Variants in ASCC3 observed in about 807,000 individuals in gnomAD.
The protein encoded by ASCC3 is activating signal cointegrator 1 complex subunit 3, also known as ASC-1 complex subunit P200.
In ASCC3, 158 loss-of-function variants were observed where a neutral mutation model predicts 256.3. That is an observed-to-expected ratio of 0.62 (90% CI 0.54 to 0.70). The LOEUF (loss-of-function observed/expected upper bound fraction) is 0.70, where lower values mean the gene tolerates loss of function less well. Among genes scored for constraint, ASCC3 ranks in the 30% least tolerant of loss-of-function variants. The pLI is 0.00. For synonymous variants in ASCC3, 948 were observed against 883.4 expected (o/e 1.07, Z -1.30); for missense variants, 2,259 against 2,626.0 (o/e 0.86, Z 3.05).
At chr6:100,538,086 T>C (rs1775256275) in intron 37 of ASCC3, among the ~76,000 whole-genome samples, 2 of 152,052 alleles carry the variant, frequency 1.3e-5, no homozygotes, top group Admixed American at 1.3e-4. Flanking sequence ...GATCACGCAA[T>C]ATAGGTTTTA....
At chr6:100,648,163 G>A (rs1775481017) in intron 20 of ASCC3, among the ~76,000 whole-genome samples, 1 of 152,068 alleles carries the variant, frequency 6.6e-6, no homozygotes, top group Admixed American at 6.6e-5. Flanking sequence ...AAATATAACT[G>A]AGATTCTAGA....
intron 8 of ASCC3, among the ~76,000 whole-genome samples, chr6:100,789,735 G>A (rs1769264117): frequency 6.6e-6 from 1 of 151,908 alleles, no homozygotes; most frequent in Non-Finnish European, 1.5e-5. Context: ...AAGACTTGAA[G>A]GAACAAGCAA....
At position 100,512,269 on chromosome 6, in the gene ASCC3, T is replaced by C. The variant is rs1012355857; in HGVS notation, c.6285+440A>G. ...TCATCTACATCTAGCCCAATGTGGT[T>C]CCTGTATACCAAAGTGCCTCTAGGC... On this transcript the variant is annotated intron_variant, in intron 40 of 41. Transcript: ENST00000369162. 2.0e-5 allele frequency among the ~76,000 whole-genome samples: 3 copies of C among 152,298 alleles called. No homozygotes were observed. The East Asian group carries it at 5.8e-4, about 29-fold the overall frequency.
intron 3 of ASCC3, among the ~76,000 whole-genome samples, chr6:100,852,010 T>A (rs1258501719): frequency 6.6e-6 from 1 of 152,172 alleles, no homozygotes; most frequent in African/African-American, 2.4e-5. Context: ...TGAGATGACG[T>A]ATGTAGGCGT....
intron 10 of ASCC3, among the ~76,000 whole-genome samples, chr6:100,761,346 G>T (rs1781412514): frequency 6.6e-6 from 1 of 152,154 alleles, no homozygotes; most frequent in Admixed American, 6.6e-5. Context: ...CGATTACCGG[G>T]ATGTGGTGGC....
rs538230630 is a variant in ASCC3, at chr6:100,659,328, T to G, written c.2703+2478A>C. 4.0e-5 allele frequency among the ~76,000 whole-genome samples: 6 copies of G among 151,610 alleles called. No homozygotes were observed. The South Asian group carries it at 1.2e-3, about 31-fold the overall frequency. On this transcript the variant is annotated intron_variant, in intron 16 of 41. Transcript: ENST00000369162. ...CTTGATTTCCACAGATAGCCAAATT[T>G]AATTTCACATTCAACAATAATTTAA...
chr6:100,558,953 T>C (rs1769777695), intron 36 of ASCC3, among the ~76,000 whole-genome samples: 1 of 152,152 alleles, frequency 6.6e-6, no homozygotes, highest in Admixed American at 6.6e-5. Flanking sequence ...TATCTCTTCT[T>C]GAGATATACA....
Position 100,651,665 on chromosome 6 carries a change from T to A in ASCC3, c.2989-19A>T. ...TAAAGGTCTACCAAAGTAAGTGTTA[T>A]ATTTGATTAAAATAAAAATATTTTA... On this transcript the variant is annotated intron_variant, in intron 18 of 41. Coordinates refer to ENST00000369162, the MANE Select transcript of ASCC3 (RefSeq NM_006828.4). 1 of 1,293,164 alleles carries A rather than the reference T, an allele frequency of 7.7e-7. No individual in the cohort carries two copies. The highest frequency in any genetic ancestry group is 1.1e-6 in the Non-Finnish European group (1 of 936,422). The allele number at this position is 1,293,164 out of a possible 1,614,324, so 80.1% of individuals were successfully genotyped here.
At chr6:100,676,411 C>T (rs1183497318) in intron 14 of ASCC3, among the ~76,000 whole-genome samples, 1 of 152,174 alleles carries the variant, frequency 6.6e-6, no homozygotes, top group Non-Finnish European at 1.5e-5. Context: ...GGTAAAATCA[C>T]AACCAGACCT....
At chr6:100,862,021 G>C (rs916541939) in intron 3 of ASCC3, among the ~76,000 whole-genome samples, 33 of 152,058 alleles carry the variant, frequency 2.2e-4, no homozygotes, top group African/African-American at 7.5e-4. Flanking sequence ...TAGAACTAAA[G>C]AAGAGGAAGG....
chr6:100,676,748 G>A lies in ASCC3; in HGVS notation c.2286+2870C>T, dbSNP rs570892989. On this transcript the variant is annotated intron_variant, in intron 14 of 41. Coordinates refer to ENST00000369162, the MANE Select transcript of ASCC3 (RefSeq NM_006828.4). ...CAAATGTATGTGTGCGCGCGCGTGC[G>A]CGCACACACACACTCACACACACAC... Among the ~76,000 whole-genome samples the A allele has an allele frequency of 5.9e-5, 7 of 119,570 alleles. No individual in the cohort carries two copies. The East Asian group carries it at 8.2e-4, about 14-fold the overall frequency. The allele number at this position is 119,570 out of a possible 152,430, so 78.4% of individuals were successfully genotyped here.
At position 100,693,626 on chromosome 6, in the gene ASCC3, T is replaced by C. The variant is rs560365095; in HGVS notation, c.2152-13874A>G. Among the ~76,000 whole-genome samples the C allele has an allele frequency of 1.1e-4, 16 of 152,278 alleles. No individual in the cohort carries two copies. The South Asian group carries it at 3.1e-3, about 30-fold the overall frequency. ...TTTTAGGACCAAAAGGGAAAACTGC[T>C]GATTTGCTTGGTCCAATGCATACAT... On this transcript the variant is annotated intron_variant, in intron 13 of 41. Coordinates refer to ENST00000369162, the MANE Select transcript of ASCC3 (RefSeq NM_006828.4).
chr6:100,745,961 AGGC>A (rs1403426054), intron 10 of ASCC3, among the ~76,000 whole-genome samples: 1 of 151,978 alleles, frequency 6.6e-6, no homozygotes, highest in Admixed American at 6.6e-5. Flanking sequence ...CGACATAGAT[AGGC>A]GTTCATGGTA....
At chr6:100,557,336 T>C (rs1769647109) in intron 36 of ASCC3, among the ~76,000 whole-genome samples, 1 of 152,156 alleles carries the variant, frequency 6.6e-6, no homozygotes, top group Admixed American at 6.6e-5. Context: ...TACTGTTATG[T>C]TGTGCTTTTA....
chr6:100,806,205 A>G (rs1582890993), intron 4 of ASCC3, among the ~76,000 whole-genome samples: 1 of 152,034 alleles, frequency 6.6e-6, no homozygotes, highest in South Asian at 2.1e-4. Flanking sequence ...GCTCTTCAAC[A>G]TATCATTCTG....
intron 5 of ASCC3, among the ~76,000 whole-genome samples, chr6:100,801,584 T>C (rs1435517399): frequency 6.6e-6 from 1 of 152,004 alleles, no homozygotes; most frequent in East Asian, 1.9e-4. Context: ...TAGGGAAAAC[T>C]TGTATAATGG....
chr6:100,746,860 C>T (rs1577618), intron 10 of ASCC3, among the ~76,000 whole-genome samples: 143,098 of 152,200 alleles, frequency 0.94, 67,588 homozygotes, highest in South Asian at 0.99. Context: ...TGCAAAGAAA[C>T]AGAATCCAAA....
chr6:100,590,938 A>T (rs1306437374), intron 34 of ASCC3, among the ~76,000 whole-genome samples: 1 of 152,154 alleles, frequency 6.6e-6, no homozygotes, highest in Non-Finnish European at 1.5e-5. Flanking sequence ...AGTTAGTGCA[A>T]ATGGCTAGGT....
At chr6:100,617,132 G>A (rs180724103) in intron 30 of ASCC3, among the ~76,000 whole-genome samples, 3 of 152,196 alleles carry the variant, frequency 2.0e-5, no homozygotes, top group Non-Finnish European at 4.4e-5. Flanking sequence ...AGCCTCCCGA[G>A]TAGCTGGGAT....
Sources: gnomAD v4.1 joint callset for allele counts (sites outside exome capture counted in the v4.1 genomes callset) on GRCh38, gnomAD v4.1.1 for gene constraint, MANE v1.5 for transcripts, NCBI Gene and HGNC (gene_info 2026-07-23, HGNC 2026-07-21) for gene names.